CFAP92: variants seen among roughly 807,000 people sequenced by gnomAD.
CFAP92 encodes uncharacterized protein CFAP92.
CFAP92 carries 86 observed loss-of-function variants against 106.3 expected under a neutral mutation model. The ratio of observed to expected loss-of-function variants is 0.81; its 90% CI spans 0.68 to 0.97. The LOEUF (loss-of-function observed/expected upper bound fraction) is 0.97, where lower values mean the gene tolerates loss of function less well. Among genes scored for constraint, CFAP92 ranks in the 50% least tolerant of loss-of-function variants. CFAP92 has a pLI of 0.00. For missense variants in CFAP92, 1,204 were observed against 1,283.8 expected (o/e 0.94, Z 0.95); for synonymous variants, 477 against 506.4 (o/e 0.94, Z 0.78).
At chr3:128,940,064 T>C (rs1014568460) in intron 10 of CFAP92, among the ~76,000 whole-genome samples, 14 of 152,192 alleles carry the variant, frequency 9.2e-5, no homozygotes, top group African/African-American at 2.7e-4. Context: ...ATATGTGACA[T>C]CTTGTGGCCG....
At chr3:129,018,560 ACT>A in the CFAP92 span, among the ~76,000 whole-genome samples, 1 of 152,066 alleles carries the variant, frequency 6.6e-6, no homozygotes, top group Non-Finnish European at 1.5e-5. Flanking sequence ...TGAAGTATTT[ACT>A]CTCTGGCCCT....
chr3:128,948,210 T>C (rs1940426441), intron 9 of CFAP92, among the ~76,000 whole-genome samples: 1 of 151,942 alleles, frequency 6.6e-6, no homozygotes, highest in Admixed American at 6.6e-5. Flanking sequence ...ATATTTATGG[T>C]GAGACAGGGT....
chr3:128,921,080 G>A (rs146308541), intron 12 of CFAP92, among the ~76,000 whole-genome samples: 52 of 152,238 alleles, frequency 3.4e-4, no homozygotes, highest in African/African-American at 1.3e-3. Flanking sequence ...GGCCTTCACA[G>A]CCTCCATACT....
chr3:128,996,599 G>A (rs1201538965), upstream of CFAP92, among the ~76,000 whole-genome samples: 1 of 152,198 alleles, frequency 6.6e-6, no homozygotes, highest in Non-Finnish European at 1.5e-5. Flanking sequence ...AGCAAAGGAA[G>A]GGGGGCTTCT....
At chr3:128,928,066 C>A (rs1302952835) in intron 12 of CFAP92, among the ~76,000 whole-genome samples, 3 of 152,068 alleles carry the variant, frequency 2.0e-5, no homozygotes, top group African/African-American at 7.2e-5. Flanking sequence ...TCCTGGCTAA[C>A]ATGGTGAAAC....
chr3:129,016,995 G>A, the CFAP92 span, among the ~76,000 whole-genome samples: 1 of 152,200 alleles, frequency 6.6e-6, no homozygotes, highest in Non-Finnish European at 1.5e-5. Context: ...AGTTTTCAAG[G>A]ACCTGATTCA....
upstream of CFAP92, among the ~76,000 whole-genome samples, chr3:129,004,333 C>A (rs1248375209): frequency 6.7e-6 from 1 of 149,520 alleles, no homozygotes; most frequent in Non-Finnish European, 1.5e-5. Context: ...ACCCCACACA[C>A]CCACCCATCC....
At chr3:128,927,152 CAT>C (rs1465468390) in intron 12 of CFAP92, among the ~76,000 whole-genome samples, 1 of 152,022 alleles carries the variant, frequency 6.6e-6, no homozygotes, top group African/African-American at 2.4e-5. Context: ...ACAAAGAGAT[CAT>C]ATGAGTACGC....
the CFAP92 span, among the ~76,000 whole-genome samples, chr3:129,014,543 G>T: frequency 6.6e-6 from 1 of 152,190 alleles, no homozygotes; most frequent in African/African-American, 2.4e-5. This position sits in a 1 kb window ranked among gnomAD's most constrained non-coding sequence, Gnocchi z 4.3. Flanking sequence ...CCACCCTAAA[G>T]ACCTCATTTT....
chr3:128,967,966 C>G (rs1234753189), intron 8 of CFAP92: 2 of 152,300 alleles, frequency 1.3e-5, no homozygotes, highest in Non-Finnish European at 1.5e-5. Flanking sequence ...CAAAATGCCT[C>G]CACACACAGC....
At chr3:128,970,905 G>C in intron 8 of CFAP92, 1 of 241,510 alleles carries the variant, frequency 4.1e-6, no homozygotes, top group Non-Finnish European at 8.1e-6. Flanking sequence ...AGTCAAAAAG[G>C]GTTCCCTTTC....
intron 4 of CFAP92, among the ~76,000 whole-genome samples, chr3:128,981,125 CT>C (rs2107800496): frequency 6.6e-6 from 1 of 151,780 alleles, no homozygotes; most frequent in Non-Finnish European, 1.5e-5. Context: ...CAAGCTCTGC[CT>C]CCCAGGTTCA....
chr3:128,946,893 A>G (rs1198686801), intron 9 of CFAP92, among the ~76,000 whole-genome samples: 3 of 152,256 alleles, frequency 2.0e-5, no homozygotes, highest in Admixed American at 1.3e-4. Flanking sequence ...TAAGTTTAAG[A>G]AAAGAAAGAA....
chr3:128,947,748 A>T (rs1338676307), intron 9 of CFAP92, among the ~76,000 whole-genome samples: 2 of 152,304 alleles, frequency 1.3e-5, no homozygotes, highest in East Asian at 3.9e-4. Flanking sequence ...ACGCAGGAGG[A>T]CTGCTTGAGG....
chr3:128,991,879 G>C (rs1293521883), intron 2 of CFAP92: 2 of 986,912 alleles, frequency 2.0e-6, no homozygotes, highest in African/African-American at 1.7e-5. Flanking sequence ...GGTCTATCAA[G>C]ATGTGAAGTA....
chr3:128,921,040 C>G (rs978754104), intron 12 of CFAP92, among the ~76,000 whole-genome samples: 4 of 152,172 alleles, frequency 2.6e-5, no homozygotes, highest in Non-Finnish European at 5.9e-5. Context: ...CTTTGATCAC[C>G]AATAAATAGT....
intron 4 of CFAP92, among the ~76,000 whole-genome samples, chr3:128,985,440 G>C (rs994858654): frequency 6.6e-6 from 1 of 152,178 alleles, no homozygotes; most frequent in African/African-American, 2.4e-5. Flanking sequence ...ACTCCAACCT[G>C]GGCAACAGAG....
chr3:128,915,400 C>T lies in CFAP92; in HGVS notation c.3080G>A (p.Ser1027Asn), dbSNP rs1936727117. 2 of 1,536,158 alleles carry T rather than the reference C, an allele frequency of 1.3e-6. No homozygotes were observed. Among genetic ancestry groups the T allele is most frequent in the African/African-American group, 2.7e-5 (2 of 73,166 alleles). Reference protein sequence around the residue: ...VTGLQSDTESSFQDLKLPPIK... With the variant: ...VTGLQSDTESNFQDLKLPPIK... ...GGGTGGCAGCTTGAGATCCTGAAAGCTGCTTTCGGTGTCGCTCTGAAGACC... is the reference window on the plus strand; with the variant it reads ...GGGTGGCAGCTTGAGATCCTGAAAGTTGCTTTCGGTGTCGCTCTGAAGACC... The change falls in exon 14 of 16, where the codon AGC becomes AAC. Residue 1027 changes from serine to asparagine, a missense_variant. Transcript: ENST00000645291.
At chr3:128,931,247 C>T (rs1339811454) in intron 12 of CFAP92, among the ~76,000 whole-genome samples, 1 of 152,012 alleles carries the variant, frequency 6.6e-6, no homozygotes, top group Non-Finnish European at 1.5e-5. Flanking sequence ...AATGTAATGG[C>T]GTGATCTCAG....
Sources: gnomAD v4.1 joint callset for allele counts (sites outside exome capture counted in the v4.1 genomes callset) on GRCh38, gnomAD v4.1.1 for gene constraint, Gnocchi (gnomAD v3.1) non-coding constraint, MANE v1.5 for transcripts, NCBI Gene and HGNC (gene_info 2026-07-23, HGNC 2026-07-21) for gene names.